Variants in IZUMO1 observed in about 807,000 individuals in gnomAD.
The protein encoded by IZUMO1 is izumo sperm-oocyte fusion 1.
In IZUMO1, 44 loss-of-function variants were observed where a neutral mutation model predicts 40.7. That is an observed-to-expected ratio of 1.08 (90% CI 0.85 to 1.39). IZUMO1 has a LOEUF of 1.39. Ranked by LOEUF, IZUMO1 falls within the 40% of genes most tolerant of loss-of-function variation. The probability of loss-of-function intolerance (pLI) is 0.00; values close to 1 mark genes in which losing one functional copy is unlikely to be tolerated. For missense variants in IZUMO1, 368 were observed against 436.9 expected (o/e 0.84, Z 1.41); for synonymous variants, 149 against 170.9 (o/e 0.87, Z 1.00).
At chr19:48,746,122 G>T (rs943319213) in intron 1 of IZUMO1, 190 bp from the exon 2 acceptor site, 2 of 1,344,250 alleles carry the variant, frequency 1.5e-6, no homozygotes, top group Non-Finnish European at 1.9e-6. Context: ...GGTTCTCACT[G>T]AATCCCCCAA....
chr19:48,745,473 G>A (rs838145), intron 2 of IZUMO1, 152 bp downstream of exon 2: 650,063 of 1,047,658 alleles, frequency 0.62, 212,022 homozygotes, highest in East Asian at 1. Context: ...TAGGGAAAAC[G>A]GTATTTACTA....
chr19:48,742,081 G>A lies in IZUMO1; in HGVS notation c.600+128C>T, dbSNP rs1348778589. 4.0e-6 allele frequency: 6 copies of A among 1,508,642 alleles called. No homozygotes were observed. The South Asian group carries it at 6.2e-5, about 16-fold the overall frequency. 93.5% of individuals were successfully genotyped at this position (1,508,642 alleles called of 1,614,324 possible). A position where few individuals can be genotyped will look rare whatever the true frequency, so the allele number is the denominator to read the frequency against. ...TGGTCAGGGCACGGGGTCCCCAGAG[G>A]TCTGTAGAGACCACACCTAATAGAC... On this transcript the variant is annotated intron_variant, in intron 7 of 9. Coordinates refer to ENST00000332955, the MANE Select transcript of IZUMO1 (RefSeq NM_182575.3).
intron 6 of IZUMO1, among the ~76,000 whole-genome samples, chr19:48,742,715 TTCTC>T (rs1293603180): frequency 4.9e-5 from 7 of 142,296 alleles, no homozygotes; most frequent in African/African-American, 1.6e-4. Context: ...TCTCTTTTCT[TTCTC>T]TCTCTCTTTT....
Position 48,741,045 on chromosome 19 carries a change from G to C in IZUMO1, c.933-17C>G, listed in dbSNP as rs1044325558. 3.1e-6 allele frequency: 5 copies of C among 1,613,442 alleles called. No homozygotes were observed. Among genetic ancestry groups the C allele is most frequent in the Non-Finnish European group, 3.4e-6 (4 of 1,179,918 alleles). On this transcript the variant is annotated splice_polypyrimidine_tract_variant and intron_variant, in intron 9 of 9. Transcript: ENST00000332955. This position sits in a 1 kb window ranked among gnomAD's most constrained non-coding sequence, Gnocchi z 4.4. Reference sequence around the variant, plus strand: ...CGAAATATCCTAGGGGTGGGAGTGGGGTGCAGATCATGGAACCGGTTTGGG... The same window carrying C: ...CGAAATATCCTAGGGGTGGGAGTGGCGTGCAGATCATGGAACCGGTTTGGG...
Position 48,746,379 on chromosome 19 carries a change from C to G in IZUMO1, c.-74+56G>C, listed in dbSNP as rs78666923. 1.0e-3 allele frequency: 1,040 copies of G among 997,598 alleles called. 13 individuals are homozygous for G. The African/African-American group carries it at 0.017, about 16-fold the overall frequency. 61.8% of individuals were successfully genotyped at this position (997,598 alleles called of 1,614,324 possible). On this transcript the variant is annotated intron_variant, in intron 1 of 9. Coordinates refer to ENST00000332955, the MANE Select transcript of IZUMO1 (RefSeq NM_182575.3). ...TGCCCAAACCAATAAACATCTAACACAGACCCAACCACGATATTATCAAAC... is the reference window on the plus strand; with the variant it reads ...TGCCCAAACCAATAAACATCTAACAGAGACCCAACCACGATATTATCAAAC...
chr19:48,744,068 C>G, intron 5 of IZUMO1, 107 bp downstream of exon 5: 1 of 966,868 alleles, frequency 1.0e-6, no homozygotes, highest in Admixed American at 1.8e-5. Flanking sequence ...ACCCAGGAAC[C>G]TCTCCAAGGC....
At position 48,743,532 on chromosome 19, in the gene IZUMO1, G is replaced by A. The variant is rs1415006969; in HGVS notation, c.419-7C>T. 6.2e-7 allele frequency: 1 copy of A among 1,607,946 alleles called. No homozygotes were observed. The highest frequency in any genetic ancestry group is 8.5e-7 in the Non-Finnish European group (1 of 1,174,552). ...AGAGTTTGCAACATCACACCTGGAG[G>A]GGCAGGGTCAAGGCTTGTATTTGCC... On this transcript the variant is annotated splice_region_variant and splice_polypyrimidine_tract_variant and intron_variant, in intron 5 of 9. Coordinates refer to ENST00000332955, the MANE Select transcript of IZUMO1 (RefSeq NM_182575.3).
chr19:48,743,440 C>T lies in IZUMO1; in HGVS notation c.499+5G>A, dbSNP rs768697780. On this transcript the variant is annotated splice_donor_5th_base_variant and intron_variant, in intron 6 of 9. Coordinates refer to ENST00000332955, the MANE Select transcript of IZUMO1 (RefSeq NM_182575.3). Reference sequence around the variant, plus strand: ...AATTCCTCCTGCTGGGTCCAGTTCTCTCACCCCCGCAATCGTAGGACTTTC... The same window carrying T: ...AATTCCTCCTGCTGGGTCCAGTTCTTTCACCCCCGCAATCGTAGGACTTTC... 8.7e-6 allele frequency: 14 copies of T among 1,614,144 alleles called. No homozygotes were observed. The South Asian group carries it at 9.9e-5, about 11-fold the overall frequency.
intron 5 of IZUMO1, 116 bp downstream of exon 5, chr19:48,744,059 C>T: frequency 1.1e-6 from 1 of 879,690 alleles, no homozygotes. Flanking sequence ...ATACTGGAGA[C>T]CCAGGAACCT....
At chr19:48,742,136 G>A (rs2033722233) in intron 7 of IZUMO1, 73 bp downstream of exon 7, 1 of 1,491,256 alleles carries the variant, frequency 6.7e-7, no homozygotes, top group African/African-American at 1.4e-5. Flanking sequence ...AATCGTGGGT[G>A]CAGGCCCATA....
At position 48,741,463 on chromosome 19, in the gene IZUMO1, A is replaced by C; in HGVS notation, c.770T>G (p.Ile257Ser). 3 of 1,610,804 alleles carry C rather than the reference A, an allele frequency of 1.9e-6. No individual in the cohort carries two copies. The highest frequency in any genetic ancestry group is 2.2e-5 in the South Asian group (2 of 91,024). ...ATTTGGAGAAGGTTTTTCCTCCTTG[A>C]TCATTTTGGGCAACACTGTTAGAGA... Reference protein sequence around the residue: ...NFHVTVLPKMIKEEKPSPNIV... With the variant: ...NFHVTVLPKMSKEEKPSPNIV... Residue 257 changes from isoleucine to serine, a missense_variant, in exon 9 of 10, where the codon ATC (isoleucine) becomes AGC (serine). Transcript: ENST00000332955. The surrounding 1 kb of genome is among the most constrained non-coding windows in gnomAD (Gnocchi z 4.4).
At position 48,744,538 on chromosome 19, in the gene IZUMO1, GC is replaced by G; in HGVS notation, c.311del (p.Gly104AlafsTer5). Reference sequence around the variant, plus strand: ...AAAATAGCTCCTTCACGAAGAGATCGCCTGGGAAGACACAGGAACCCCCAAT... The same window carrying G: ...AAAATAGCTCCTTCACGAAGAGATCGCTGGGAAGACACAGGAACCCCCAAT... Reference protein sequence around the residue: ...LKRITDSDVKGDLFVKELFWM... With the variant: ...LKRITDSDVKXDLFVKELFWM... On this transcript the variant is annotated frameshift_variant and splice_region_variant, in exon 4 of 10. Transcript: ENST00000332955. LOFTEE classifies it high-confidence loss of function. 2.5e-6 allele frequency: 4 copies of G among 1,610,526 alleles called. No individual in the cohort carries two copies. In the South Asian group the frequency reaches 4.4e-5, roughly 18 times the overall value.
Position 48,741,312 on chromosome 19 carries a change from G to C in IZUMO1, c.921C>G (p.Gly307=). The C allele has an allele frequency of 6.2e-7, 1 of 1,600,548 alleles. No individual in the cohort carries two copies. The highest frequency in any genetic ancestry group is 8.5e-7 in the Non-Finnish European group (1 of 1,175,072). The change falls in exon 9 of 10, where the codon GGC becomes GGG. Residue 307 remains glycine (G), a synonymous_variant. Coordinates refer to ENST00000332955, the MANE Select transcript of IZUMO1 (RefSeq NM_182575.3). The surrounding 1 kb of genome is among the most constrained non-coding windows in gnomAD (Gnocchi z 4.4). Reference sequence around the variant, plus strand: ...AATGGGTTGCTTACGCAAAGGTAAGGCCGGTTATCAGTGCTAGGGAGCCGC... The same window carrying C: ...AATGGGTTGCTTACGCAAAGGTAAGCCCGGTTATCAGTGCTAGGGAGCCGC... ...LICGSLALIT[G]LTFAIFRRRK...
In IZUMO1 at chr19:48,741,434, C is replaced by A. The variant is rs763787242; in HGVS notation, c.799G>T (p.Val267Leu). 4 of 1,612,952 alleles carry A rather than the reference C, an allele frequency of 2.5e-6. No homozygotes were observed. The highest frequency in any genetic ancestry group is 3.4e-6 in the Non-Finnish European group (4 of 1,179,188). ...IKEEKPSPNI[V>L]TPGEATTESS... ...TCCGTGGTCGCCTCCCCCGGGGTTA[C>A]GATATTTGGAGAAGGTTTTTCCTCC... is the stretch of plus-strand genomic sequence containing the variant. The change falls in exon 9 of 10, where the codon GTA becomes TTA. Residue 267 changes from valine to leucine, a missense_variant. Val to Leu is a conservative substitution (Grantham distance 32). Transcript: ENST00000332955. The surrounding 1 kb of genome is among the most constrained non-coding windows in gnomAD (Gnocchi z 4.4).
chr19:48,742,319 G>A lies in IZUMO1; in HGVS notation c.500-10C>T. ...ACTTCCACATTCCGCTCTGGGGGTG[G>A]GGGATGACCATGGGACACTCATGAT... On this transcript the variant is annotated splice_polypyrimidine_tract_variant and intron_variant, in intron 6 of 9. Coordinates refer to ENST00000332955, the MANE Select transcript of IZUMO1 (RefSeq NM_182575.3). The A allele has an allele frequency of 4.4e-6, 7 of 1,587,908 alleles. No homozygotes were observed. Among genetic ancestry groups the A allele is most frequent in the African/African-American group, 1.3e-5 (1 of 74,434 alleles).
intron 6 of IZUMO1, 178 bp downstream of exon 6, chr19:48,743,267 C>T: frequency 3.3e-6 from 2 of 605,692 alleles, no homozygotes; most frequent in Non-Finnish European, 5.9e-6. Flanking sequence ...GCTTCCCAAT[C>T]CTCCCGTCTC....
At position 48,745,724 on chromosome 19, in the gene IZUMO1, C is replaced by G. The variant is rs1382860540; in HGVS notation, c.136G>C (p.Asp46His). ...ATCATGGCTTTGTGATGCTTCGCAT[C>G]CAGGTGGCCAGGCAGGTAATCTTTC... Reference protein sequence around the residue: ...LEKDYLPGHLDAKHHKAMMER... With the variant: ...LEKDYLPGHLHAKHHKAMMER... The change falls in exon 2 of 10, where the codon GAT (aspartate) becomes CAT (histidine). Residue 46 changes from aspartate to histidine, a missense_variant. Asp to His is a moderately conservative substitution (Grantham distance 81). Coordinates refer to ENST00000332955, the MANE Select transcript of IZUMO1 (RefSeq NM_182575.3). The G allele has an allele frequency of 6.2e-7, 1 of 1,614,220 alleles. No individual in the cohort carries two copies. Among genetic ancestry groups the G allele is most frequent in the Non-Finnish European group, 8.5e-7 (1 of 1,180,044 alleles).
In IZUMO1 at chr19:48,741,442, G is replaced by A; in HGVS notation, c.791C>T (p.Pro264Leu). The A allele has an allele frequency of 6.2e-7, 1 of 1,612,652 alleles. No individual in the cohort carries two copies. The highest frequency in any genetic ancestry group is 2.2e-5 in the East Asian group (1 of 44,838). Reference protein sequence around the residue: ...PKMIKEEKPSPNIVTPGEATT... With the variant: ...PKMIKEEKPSLNIVTPGEATT... ...CGCCTCCCCCGGGGTTACGATATTT[G>A]GAGAAGGTTTTTCCTCCTTGATCAT... is the stretch of plus-strand genomic sequence containing the variant. The change falls in exon 9 of 10, where the codon CCA becomes CTA. Residue 264 changes from proline (P) to leucine (L), a missense_variant. Physicochemically the swap from Pro to Leu is moderately conservative, Grantham distance 98 (BLOSUM62 -3). Coordinates refer to ENST00000332955, the MANE Select transcript of IZUMO1 (RefSeq NM_182575.3). This position sits in a 1 kb window ranked among gnomAD's most constrained non-coding sequence, Gnocchi z 4.4.
intron 3 of IZUMO1, among the ~76,000 whole-genome samples, chr19:48,744,767 GC>G (rs2033829146): frequency 6.6e-6 from 1 of 151,982 alleles, no homozygotes; most frequent in East Asian, 1.9e-4. Context: ...GCTCACTGAA[GC>G]CTCAAACTCC....
Sources: allele counts gnomAD v4.1 joint callset (sites outside exome capture counted in the v4.1 genomes callset), GRCh38; gene constraint gnomAD v4.1.1; non-coding constraint Gnocchi (gnomAD v3.1); transcripts MANE v1.5; gene names NCBI Gene and HGNC (gene_info 2026-07-23, HGNC 2026-07-21).